VRK2: variants seen among roughly 807,000 people sequenced by gnomAD.
The protein encoded by VRK2 is serine/threonine-protein kinase VRK2.
In VRK2, 60 loss-of-function variants were observed where a neutral mutation model predicts 57.6. The observed-to-expected ratio is 1.04, with a 90% CI of 0.85 to 1.29. The LOEUF (loss-of-function observed/expected upper bound fraction) is 1.29. Ranked by LOEUF, VRK2 falls within the 50% of genes most tolerant of loss-of-function variation. The probability of loss-of-function intolerance (pLI) is 0.00; values close to 1 mark genes in which losing one functional copy is unlikely to be tolerated. For missense variants in VRK2, 705 were observed against 588.1 expected, an observed-to-expected ratio of 1.20 and a Z score of -2.06; for synonymous variants, 231 against 199.2, an observed-to-expected ratio of 1.16 and a Z score of -1.35.
chr2:58,147,286 G>A (rs988308252), intron 12 of VRK2: 12 of 442,280 alleles, frequency 2.7e-5, no homozygotes, highest in East Asian at 5.7e-5. Flanking sequence ...AAGCCTGCAA[G>A]TTTATCCAGA....
At chr2:58,059,172 C>A (rs537742250) in intron 2 of VRK2, among the ~76,000 whole-genome samples, 44 of 152,050 alleles carry the variant, frequency 2.9e-4, no homozygotes, top group African/African-American at 1.0e-3. Context: ...ATGTTAGGCA[C>A]TGGAACAATT....
intron 1 of VRK2, among the ~76,000 whole-genome samples, chr2:58,000,049 C>G (rs183451424): frequency 2.6e-5 from 4 of 152,234 alleles, no homozygotes; most frequent in Admixed American, 2.6e-4. Flanking sequence ...CAATAAACCT[C>G]ATTTCTACCT....
intron 1 of VRK2, among the ~76,000 whole-genome samples, chr2:57,967,049 A>G (rs1235039975): frequency 6.6e-6 from 1 of 152,192 alleles, no homozygotes; most frequent in Non-Finnish European, 1.5e-5. Context: ...AAATTTTTAC[A>G]TATTCATCCT....
chr2:57,950,790 C>G (rs980496369), intron 1 of VRK2, among the ~76,000 whole-genome samples: 7 of 152,132 alleles, frequency 4.6e-5, no homozygotes, highest in African/African-American at 1.7e-4. Context: ...ATTCTAGACG[C>G]CATTAAGAAC....
chr2:58,051,974 G>C (rs564149014), intron 2 of VRK2, among the ~76,000 whole-genome samples: 1 of 152,182 alleles, frequency 6.6e-6, no homozygotes, highest in East Asian at 1.9e-4. Flanking sequence ...TGTCATTTTA[G>C]TATCAAATGA....
At chr2:58,066,847 A>G (rs1009216499) in intron 2 of VRK2, among the ~76,000 whole-genome samples, 1 of 152,170 alleles carries the variant, frequency 6.6e-6, no homozygotes, top group African/African-American at 2.4e-5. Flanking sequence ...ATCAGTTGTG[A>G]TGGTTAATAT....
intron 7 of VRK2, among the ~76,000 whole-genome samples, chr2:58,113,833 G>T (rs183900990): frequency 6.6e-6 from 1 of 152,132 alleles, no homozygotes; most frequent in African/African-American, 2.4e-5. Flanking sequence ...GGGATGCGAC[G>T]GCTTGGCTTG....
chr2:58,009,211 A>C (rs1326670521), intron 1 of VRK2, among the ~76,000 whole-genome samples: 1 of 152,138 alleles, frequency 6.6e-6, no homozygotes, highest in Non-Finnish European at 1.5e-5. Context: ...TCTTGTACTG[A>C]AAAAACAAAT....
chr2:58,072,489 G>T lies in VRK2; in HGVS notation c.137-11600G>T, dbSNP rs187901578. The stretch of plus-strand genomic sequence containing the variant: ...GAATTTTTATGATGAATTAGATTTT[G>T]CCAAATGGTTTTGTTTTTTAATGTG... On this transcript the variant is annotated intron_variant, in intron 2 of 12. Transcript: ENST00000340157. Among the ~76,000 whole-genome samples the T allele has an allele frequency of 3.7e-3, 563 of 151,920 alleles. 7 individuals are homozygous for T. The highest frequency in any genetic ancestry group is 3.4e-3 in the Middle Eastern group (1 of 294).
At chr2:57,921,191 G>A (rs1288316592) in intron 1 of VRK2, among the ~76,000 whole-genome samples, 1 of 152,034 alleles carries the variant, frequency 6.6e-6, no homozygotes, top group African/African-American at 2.4e-5. Flanking sequence ...GATGCCACTT[G>A]CGAGGCCCCT....
intron 1 of VRK2, among the ~76,000 whole-genome samples, chr2:58,021,937 T>G (rs1222471960): frequency 6.6e-6 from 1 of 152,240 alleles, no homozygotes; most frequent in Non-Finnish European, 1.5e-5. Flanking sequence ...CTTCATACCC[T>G]GTTTAGGTTG....
chr2:58,068,811 G>GA lies in VRK2; in HGVS notation c.137-15260dup, dbSNP rs60586801. Among the ~76,000 whole-genome samples the GA allele has an allele frequency of 1.9e-3, 249 of 129,692 alleles. 1 individual carries two copies. Among genetic ancestry groups the GA allele is most frequent in the South Asian group, 9.3e-3 (35 of 3,764 alleles). 85.1% of individuals were successfully genotyped at this position (129,692 alleles called of 152,430 possible). On this transcript the variant is annotated intron_variant, in intron 2 of 12. Transcript: ENST00000340157. ...CCCTAATTGTATTGCACCCCCTCAG[G>GA]AAAAAAAAAAAAAAAAAACAAAAAC...
At chr2:57,985,362 G>A (rs1373045564) in intron 1 of VRK2, among the ~76,000 whole-genome samples, 1 of 151,966 alleles carries the variant, frequency 6.6e-6, no homozygotes, top group East Asian at 1.9e-4. Flanking sequence ...TAAACGTAAA[G>A]ATTTGACATA....
chr2:57,951,066 T>A (rs946218467), intron 1 of VRK2, among the ~76,000 whole-genome samples: 6 of 152,104 alleles, frequency 3.9e-5, no homozygotes, highest in African/African-American at 1.4e-4. Context: ...CACTCCAGCC[T>A]GGTGACAGAG....
At chr2:57,944,572 T>C (rs1427853760) in intron 1 of VRK2, among the ~76,000 whole-genome samples, 2 of 152,032 alleles carry the variant, frequency 1.3e-5, no homozygotes, top group Admixed American at 6.6e-5. Context: ...CCGTCTCTAC[T>C]AAAAATACAA....
intron 12 of VRK2, chr2:58,147,178 T>G (rs1682290504): frequency 1.9e-6 from 1 of 518,108 alleles, no homozygotes; most frequent in African/African-American, 1.9e-5. Flanking sequence ...AGCTGGGATA[T>G]TAATCACTAA....
intron 1 of VRK2, among the ~76,000 whole-genome samples, chr2:58,020,496 T>C (rs987440740): frequency 2.0e-5 from 3 of 152,254 alleles, no homozygotes; most frequent in African/African-American, 7.2e-5. Context: ...CAAAGCACCA[T>C]GCCCTGCTAA....
chr2:58,116,595 A>G (rs1676534311), intron 7 of VRK2, among the ~76,000 whole-genome samples: 1 of 151,992 alleles, frequency 6.6e-6, no homozygotes, highest in Non-Finnish European at 1.5e-5. Flanking sequence ...TAAGAAGGGG[A>G]CGGACTTACC....
intron 2 of VRK2, among the ~76,000 whole-genome samples, chr2:58,026,274 T>TTG (rs376062307): frequency 0.011 from 1,712 of 151,846 alleles, 29 homozygotes; most frequent in African/African-American, 0.04. Flanking sequence ...GTGAGACTAA[T>TTG]TGTGTGTGTG....
Sources: allele counts gnomAD v4.1 joint callset (sites outside exome capture counted in the v4.1 genomes callset), GRCh38; gene constraint gnomAD v4.1.1; transcripts MANE v1.5; gene names NCBI Gene and HGNC (gene_info 2026-07-23, HGNC 2026-07-21).